Variants in SPACA6 observed in about 807,000 individuals in gnomAD.
The protein encoded by SPACA6 is sperm acrosome associated 6, also known as sperm acrosome membrane-associated protein 6.
For missense variants in SPACA6, 8 were observed against 2.8 expected (o/e 2.88, Z -1.34); for synonymous variants, 6 against 1.5 (o/e 4.05, Z -2.21).
At chr19:51,707,769 C>T (rs1233624039), downstream of SPACA6, among the ~76,000 whole-genome samples, 2 of 152,200 alleles carry the variant, frequency 1.3e-5, no homozygotes, top group African/African-American at 4.8e-5. Context: ...CTGCAGCCCC[C>T]CAGCTCAGTA....
chr19:51,704,204 C>T lies in SPACA6; in HGVS notation c.730+18C>T, dbSNP rs1270240029. On this transcript the variant is annotated intron_variant, in intron 7 of 8. Coordinates refer to ENST00000637797, the MANE Select transcript of SPACA6 (RefSeq NM_001316972.2). Reference sequence around the variant, plus strand: ...TCTTAACGGTGGGGCGGGGCGCGGCCGCGTGAGTGAGCGGGGTCGGGAGAG... The same window carrying T: ...TCTTAACGGTGGGGCGGGGCGCGGCTGCGTGAGTGAGCGGGGTCGGGAGAG... The T allele has an allele frequency of 4.7e-5, 19 of 400,812 alleles. No homozygotes were observed. Among genetic ancestry groups the T allele is most frequent in the Non-Finnish European group, 8.4e-5 (19 of 226,072 alleles). The allele number at this position is 400,812 out of a possible 1,614,324, so 24.8% of individuals were successfully genotyped here. A position where few individuals can be genotyped will look rare whatever the true frequency, so the allele number is the denominator to read the frequency against.
At chr19:51,707,822 T>A (rs2083523046), downstream of SPACA6, among the ~76,000 whole-genome samples, 1 of 152,166 alleles carries the variant, frequency 6.6e-6, no homozygotes, top group Non-Finnish European at 1.5e-5. Flanking sequence ...ACATATTTAC[T>A]GGTTTATTAT....
upstream of SPACA6, chr19:51,686,758 T>A (rs775543557): frequency 6.6e-6 from 1 of 152,192 alleles, no homozygotes; most frequent in Non-Finnish European, 1.5e-5. Context: ...ATCCTTACAA[T>A]TGGGATAATA....
At chr19:51,693,326 C>T, upstream of SPACA6, 1 of 750,726 alleles carries the variant, frequency 1.3e-6, no homozygotes, top group Non-Finnish European at 2.5e-6. Flanking sequence ...TTCTTGGGAG[C>T]CTGGCGTCTG....
downstream of SPACA6, among the ~76,000 whole-genome samples, chr19:51,712,800 T>C (rs568891224): frequency 6.6e-6 from 1 of 152,112 alleles, no homozygotes; most frequent in Non-Finnish European, 1.5e-5. Flanking sequence ...GCTGGAGGTT[T>C]GAGGAGAAAA....
In SPACA6 at chr19:51,693,759, C is replaced by G; in HGVS notation, c.214+19C>G. ...GAAATCAGTGAGGAGACCATCCACA[C>G]TTCATCAGTGTCCTGGGGAAGGTGC... is the stretch of plus-strand genomic sequence containing the variant. On this transcript the variant is annotated intron_variant, in intron 1 of 8. Transcript: ENST00000637797. 2.5e-6 allele frequency: 1 copy of G among 406,442 alleles called. No individual in the cohort carries two copies. The allele number at this position is 406,442 out of a possible 1,614,324, so 25.2% of individuals were successfully genotyped here.
chr19:51,696,738 C>T (rs1362205032), intron 2 of SPACA6, among the ~76,000 whole-genome samples: 2 of 152,114 alleles, frequency 1.3e-5, no homozygotes, highest in Non-Finnish European at 1.5e-5. Context: ...CATGAACTAC[C>T]GTACCTGGCT....
In SPACA6 at chr19:51,705,140, CCTT is replaced by C. The variant is rs1368907046; in HGVS notation, c.*19_*21del. 1.0e-5 allele frequency: 4 copies of C among 401,230 alleles called. No individual in the cohort carries two copies. Among genetic ancestry groups the C allele is most frequent in the African/African-American group, 6.2e-5 (3 of 48,714 alleles). 24.9% of individuals were successfully genotyped at this position (401,230 alleles called of 1,614,324 possible). On this transcript the variant is annotated 3_prime_UTR_variant, in exon 9 of 9. Coordinates refer to ENST00000637797, the MANE Select transcript of SPACA6 (RefSeq NM_001316972.2). Reference sequence around the variant, plus strand: ...GGCAACTAACAAAGGTATCTTTCCTCCTTCCCTATCCTATTTCCATCCTGAAAA... The same window carrying C: ...GGCAACTAACAAAGGTATCTTTCCTCCCCTATCCTATTTCCATCCTGAAAA...
At chr19:51,690,742 T>G (rs1429401342), upstream of SPACA6, among the ~76,000 whole-genome samples, 4 of 152,122 alleles carry the variant, frequency 2.6e-5, no homozygotes, top group Admixed American at 6.5e-5. Flanking sequence ...TCTCTCCGCC[T>G]CAGTTTCCCC....
upstream of SPACA6, among the ~76,000 whole-genome samples, chr19:51,692,134 C>G (rs2083379114): frequency 6.6e-6 from 1 of 152,106 alleles, no homozygotes; most frequent in Non-Finnish European, 1.5e-5. This position sits in a 1 kb window ranked among gnomAD's most constrained non-coding sequence, Gnocchi z 5.6. Flanking sequence ...TTGGCTAGCC[C>G]CTGGCCTCCT....
At chr19:51,696,322 T>C (rs1210243350) in intron 2 of SPACA6, among the ~76,000 whole-genome samples, 2 of 152,112 alleles carry the variant, frequency 1.3e-5, no homozygotes, top group African/African-American at 2.4e-5. Flanking sequence ...TCGGGTTGCT[T>C]ATATTGGGGT....
chr19:51,702,985 C>T (rs2083481557), intron 4 of SPACA6, 36 bp from the exon 5 acceptor site: 1 of 399,086 alleles, frequency 2.5e-6, no homozygotes, highest in African/African-American at 2.1e-5. Context: ...CTTGGAAGGG[C>T]AGGTGGCGCC....
chr19:51,707,849 G>A (rs2083523112), downstream of SPACA6, among the ~76,000 whole-genome samples: 4 of 152,322 alleles, frequency 2.6e-5, no homozygotes, highest in South Asian at 6.2e-4. Flanking sequence ...GAGTATGAAG[G>A]AAATAGCTTA....
chr19:51,693,083 C>A (rs1439771522), upstream of SPACA6: 6 of 363,654 alleles, frequency 1.6e-5, no homozygotes, highest in East Asian at 1.5e-4. Flanking sequence ...ACAGTGGATC[C>A]TCTGACTCCC....
At chr19:51,684,718 T>C (rs541496103), upstream of SPACA6, among the ~76,000 whole-genome samples, 3 of 151,986 alleles carry the variant, frequency 2.0e-5, no homozygotes, top group African/African-American at 7.3e-5. Flanking sequence ...CTTAAAAAAA[T>C]TTGCAAAAAA....
downstream of SPACA6, among the ~76,000 whole-genome samples, chr19:51,709,530 G>GA (rs1320774737): frequency 3.7e-5 from 1 of 26,850 alleles, no homozygotes; most frequent in Non-Finnish European, 6.9e-5. Flanking sequence ...GAAAAAAAAG[G>GA]CAAAAAAAAA....
intron 2 of SPACA6, among the ~76,000 whole-genome samples, chr19:51,710,443 A>T (rs950119654): frequency 6.6e-6 from 1 of 152,136 alleles, no homozygotes; most frequent in Non-Finnish European, 1.5e-5. Flanking sequence ...AGCTGGGAGG[A>T]TGAAGTTCTG....
chr19:51,696,051 A>G (rs527868439), intron 2 of SPACA6, among the ~76,000 whole-genome samples: 2 of 152,272 alleles, frequency 1.3e-5, no homozygotes, highest in East Asian at 3.9e-4. Context: ...GGAGGCAGCT[A>G]GATACCTAGG....
upstream of SPACA6, chr19:51,689,657 C>T (rs2083352782): frequency 1.1e-5 from 1 of 93,432 alleles, no homozygotes; most frequent in Non-Finnish European, 2.0e-5. Context: ...CACCCGGGGG[C>T]CTGGATTTCA....
Sources: gnomAD v4.1 joint callset for allele counts (sites outside exome capture counted in the v4.1 genomes callset) on GRCh38, gnomAD v4.1.1 for gene constraint, Gnocchi (gnomAD v3.1) non-coding constraint, MANE v1.5 for transcripts, NCBI Gene and HGNC (gene_info 2026-07-23, HGNC 2026-07-21) for gene names.